ERGIC2: variants seen among roughly 807,000 people sequenced by gnomAD.
ERGIC2 encodes endoplasmic reticulum-Golgi intermediate compartment protein 2.
Under a neutral mutation model 52.5 loss-of-function variants are expected in ERGIC2, and 31 were observed. That is an observed-to-expected ratio of 0.59 (90% CI 0.44 to 0.80). The LOEUF (loss-of-function observed/expected upper bound fraction) is 0.80. Ranked by LOEUF, ERGIC2 falls within the 30% of genes least tolerant of loss-of-function variation. ERGIC2 has a pLI of 0.00. For missense variants in ERGIC2, 395 were observed against 455.2 expected (o/e 0.87, Z 1.20); for synonymous variants, 129 against 140.6 (o/e 0.92, Z 0.58).
chr12:29,364,995 AC>A (rs985203214), intron 5 of ERGIC2, among the ~76,000 whole-genome samples: 30 of 152,152 alleles, frequency 2.0e-4, no homozygotes, highest in African/African-American at 6.5e-4. Context: ...AAAAGGGAAC[AC>A]TTATATGCTG....
At chr12:29,357,091 C>T (rs1286280285) in intron 7 of ERGIC2, among the ~76,000 whole-genome samples, 1 of 151,990 alleles carries the variant, frequency 6.6e-6, no homozygotes, top group Non-Finnish European at 1.5e-5. Context: ...CTCAGCCTCC[C>T]AAGTAGCTGG....
intron 1 of ERGIC2, among the ~76,000 whole-genome samples, chr12:29,375,381 G>C (rs187017703): frequency 6.6e-6 from 1 of 152,244 alleles, no homozygotes; most frequent in African/African-American, 2.4e-5. Context: ...AGAAAAGGAA[G>C]GAAGGAAATT....
chr12:29,356,510 T>A, intron 7 of ERGIC2, 33 bp from the exon 8 acceptor site: 1 of 1,176,570 alleles, frequency 8.5e-7, no homozygotes. Flanking sequence ...TTAAAGCACA[T>A]TCAATACAGT....
At position 29,368,164 on chromosome 12, in the gene ERGIC2, A is replaced by G. The variant is rs1177485553; in HGVS notation, c.262+77T>C. On this transcript the variant is annotated intron_variant, in intron 4 of 13. Coordinates refer to ENST00000360150, the MANE Select transcript of ERGIC2 (RefSeq NM_016570.3). ...TATAAAGGAAAAATAAAGTACAACC[A>G]GTGATTTTTATTTTTGCTTGGCAAT... The G allele has an allele frequency of 2.3e-5, 20 of 861,758 alleles. No homozygotes were observed. In the Admixed American group the frequency reaches 3.6e-4, roughly 15 times the overall value. The allele number at this position is 861,758 out of a possible 1,614,324, so 53.4% of individuals were successfully genotyped here. A position where few individuals can be genotyped will look rare whatever the true frequency, so the allele number is the denominator to read the frequency against.
intron 1 of ERGIC2, among the ~76,000 whole-genome samples, chr12:29,375,097 T>G: frequency 6.6e-6 from 1 of 152,164 alleles, no homozygotes; most frequent in East Asian, 1.9e-4. Context: ...GCCAGAAATA[T>G]TTTTTCTTCC....
intron 1 of ERGIC2, among the ~76,000 whole-genome samples, chr12:29,373,413 T>C (rs1490186629): frequency 1.3e-5 from 2 of 152,090 alleles, no homozygotes; most frequent in African/African-American, 4.8e-5. Flanking sequence ...GTTGCAGAAG[T>C]CACTATAAGA....
chr12:29,374,526 A>G (rs542565127), intron 1 of ERGIC2, among the ~76,000 whole-genome samples: 2 of 152,236 alleles, frequency 1.3e-5, no homozygotes, highest in African/African-American at 4.8e-5. Flanking sequence ...GATATGTATA[A>G]CCCCTTGCCT....
Position 29,357,707 on chromosome 12 carries a change from T to C in ERGIC2, c.392A>G (p.Gln131Arg). Residue 131 changes from glutamine (Q) to arginine (R), a missense_variant, in exon 7 of 14, where the codon CAG becomes CGG. Coordinates refer to ENST00000360150, the MANE Select transcript of ERGIC2 (RefSeq NM_016570.3). ...TGAATGCTCTTCTTGTAGCCTACTC[T>C]GAATCAGCTGCAGCATCCTAAATAA... is the stretch of plus-strand genomic sequence containing the variant. ...KEWQRMLQLI[Q>R]SRLQEEHSLQ... The C allele has an allele frequency of 6.2e-7, 1 of 1,603,060 alleles. No individual in the cohort carries two copies. The highest frequency in any genetic ancestry group is 1.3e-5 in the African/African-American group (1 of 74,794).
chr12:29,359,246 G>C (rs571602826), intron 6 of ERGIC2, among the ~76,000 whole-genome samples: 2 of 151,754 alleles, frequency 1.3e-5, no homozygotes, highest in Non-Finnish European at 2.9e-5. Context: ...TTGAATCTTT[G>C]ACATTGAATC....
At chr12:29,361,451 C>T (rs2136868203) in intron 6 of ERGIC2, among the ~76,000 whole-genome samples, 194 bp downstream of exon 6, 1 of 152,100 alleles carries the variant, frequency 6.6e-6, no homozygotes, top group African/African-American at 2.4e-5. Flanking sequence ...CAAAGTTTAC[C>T]AGAGAAAAGA....
chr12:29,360,046 C>T (rs993655815), intron 6 of ERGIC2, among the ~76,000 whole-genome samples: 1 of 151,938 alleles, frequency 6.6e-6, no homozygotes, highest in African/African-American at 2.4e-5. Flanking sequence ...AAGCATAGTA[C>T]CAATTTTCAC....
chr12:29,353,028 G>T (rs1940154258), intron 8 of ERGIC2, among the ~76,000 whole-genome samples: 1 of 152,100 alleles, frequency 6.6e-6, no homozygotes, highest in African/African-American at 2.4e-5. Context: ...CCAATTAACT[G>T]TCTGTTACCA....
rs1192525861 is a variant in ERGIC2 at position 29,339,310 on chromosome 12, A to G, written c.*1846T>C. 6.6e-6 allele frequency: 1 copy of G among 152,192 alleles called. No homozygotes were observed. Among genetic ancestry groups the G allele is most frequent in the Non-Finnish European group, 1.5e-5 (1 of 68,010 alleles). 9.4% of individuals were successfully genotyped at this position (152,192 alleles called of 1,614,324 possible). A position where few individuals can be genotyped will look rare whatever the true frequency, so the allele number is the denominator to read the frequency against. On this transcript the variant is annotated 3_prime_UTR_variant, in exon 14 of 14. Transcript: ENST00000360150. ...CTTTTTAAAGGCACTTAACTGTTCT[A>G]ATCCTAAATGAAAGAAAATAATCCT... is the stretch of plus-strand genomic sequence containing the variant.
intron 9 of ERGIC2, among the ~76,000 whole-genome samples, chr12:29,349,513 GA>G (rs1476783839): frequency 6.6e-6 from 1 of 151,928 alleles, no homozygotes; most frequent in Non-Finnish European, 1.5e-5. Flanking sequence ...GGTATTGTTA[GA>G]ATTGGAATGA....
At chr12:29,345,744 G>A (rs908024917) in intron 10 of ERGIC2, among the ~76,000 whole-genome samples, 6 of 151,948 alleles carry the variant, frequency 3.9e-5, no homozygotes, top group African/African-American at 9.7e-5. Context: ...CTGGGAGTTC[G>A]CGACCAGTCT....
At chr12:29,363,073 G>A (rs1228775425) in intron 5 of ERGIC2, among the ~76,000 whole-genome samples, 3 of 152,042 alleles carry the variant, frequency 2.0e-5, no homozygotes, top group Non-Finnish European at 2.9e-5. Context: ...TAACCACCTC[G>A]TGAATTTTTT....
chr12:29,361,388 C>CA (rs1214690483), intron 6 of ERGIC2, among the ~76,000 whole-genome samples: 1 of 152,014 alleles, frequency 6.6e-6, no homozygotes, highest in East Asian at 1.9e-4. Context: ...CTTTTGTAAT[C>CA]AAAAAATGTA....
intron 8 of ERGIC2, among the ~76,000 whole-genome samples, chr12:29,350,642 T>C (rs1400558297): frequency 6.6e-6 from 1 of 152,138 alleles, no homozygotes; most frequent in Non-Finnish European, 1.5e-5. Context: ...CTTATAAACA[T>C]GTTATTATAT....
At chr12:29,363,590 C>T (rs1333323169) in intron 5 of ERGIC2, among the ~76,000 whole-genome samples, 1 of 151,874 alleles carries the variant, frequency 6.6e-6, no homozygotes, top group East Asian at 1.9e-4. Context: ...AATTTTCCTG[C>T]TCCATAAACT....
Sources: allele counts gnomAD v4.1 joint callset (sites outside exome capture counted in the v4.1 genomes callset), GRCh38; gene constraint gnomAD v4.1.1; transcripts MANE v1.5; gene names NCBI Gene and HGNC (gene_info 2026-07-23, HGNC 2026-07-21).